MAGI1: variants seen among roughly 807,000 people sequenced by gnomAD.
The protein encoded by MAGI1 is membrane associated guanylate kinase, WW and PDZ domain containing 1.
In MAGI1, 58 loss-of-function variants were observed where a neutral mutation model predicts 139.9. That is an observed-to-expected ratio of 0.41 (90% CI 0.34 to 0.52). MAGI1 has a LOEUF of 0.52. MAGI1 is among the 20% of genes least tolerant of loss of function. The probability of loss-of-function intolerance (pLI) is 0.12; values close to 1 mark genes in which losing one functional copy is unlikely to be tolerated. For missense variants in MAGI1, 1,874 were observed against 1,901.6 expected, an observed-to-expected ratio of 0.99 and a Z score of 0.27; for synonymous variants, 812 against 737.9, an observed-to-expected ratio of 1.10 and a Z score of -1.63.
chr3:65,456,664 G>A (rs1949410735), intron 5 of MAGI1, among the ~76,000 whole-genome samples: 2 of 152,072 alleles, frequency 1.3e-5, no homozygotes. Flanking sequence ...TTACATTTCA[G>A]AGTCTGAATT....
chr3:65,658,586 A>G (rs1428531326), intron 1 of MAGI1, among the ~76,000 whole-genome samples: 1 of 152,222 alleles, frequency 6.6e-6, no homozygotes, highest in Non-Finnish European at 1.5e-5. Context: ...ATTCTGATTC[A>G]GTAGGACTGG....
chr3:65,980,352 C>T (rs2065502336), intron 1 of MAGI1, among the ~76,000 whole-genome samples: 1 of 152,154 alleles, frequency 6.6e-6, no homozygotes, highest in South Asian at 2.1e-4. Context: ...TACCTGAGGT[C>T]AGGAGTTCAA....
At chr3:65,590,048 G>A (rs540461405) in intron 2 of MAGI1, among the ~76,000 whole-genome samples, 48 of 152,132 alleles carry the variant, frequency 3.2e-4, no homozygotes, top group African/African-American at 1.0e-3. Flanking sequence ...ACATGGTTGC[G>A]TCCTCTTCCA....
chr3:65,539,155 A>T (rs1423462272), intron 2 of MAGI1, among the ~76,000 whole-genome samples: 1 of 152,156 alleles, frequency 6.6e-6, no homozygotes, highest in African/African-American at 2.4e-5. Context: ...CTACCGTCAA[A>T]CAGGCACACA....
chr3:65,631,370 CAA>C (rs1164733263), intron 1 of MAGI1, among the ~76,000 whole-genome samples: 3 of 152,166 alleles, frequency 2.0e-5, no homozygotes, highest in Admixed American at 2.0e-4. Flanking sequence ...TGTTTTCTAA[CAA>C]ATAATTCATG....
intron 1 of MAGI1, among the ~76,000 whole-genome samples, chr3:65,920,527 C>A (rs2062125814): frequency 6.6e-6 from 1 of 152,112 alleles, no homozygotes; most frequent in Admixed American, 6.5e-5. Flanking sequence ...TCAAGGCATT[C>A]CATATTTATA....
chr3:65,768,496 G>A (rs193087831), intron 1 of MAGI1, among the ~76,000 whole-genome samples: 62 of 152,204 alleles, frequency 4.1e-4, no homozygotes, highest in Non-Finnish European at 8.5e-4. Context: ...AAGGTTGCTT[G>A]TCTCAGTCAA....
At position 65,688,553 on chromosome 3, in the gene MAGI1, T is replaced by C. The variant is rs939857877; in HGVS notation, c.314-66465A>G. On this transcript the variant is annotated intron_variant, in intron 1 of 22. Transcript: ENST00000402939. The stretch of plus-strand genomic sequence containing the variant: ...CTGGTAGGTGCTACTGTGCTTTATA[T>C]GGTGACAGACATTTCCGTGGGGTAG... The C allele has an allele frequency of 1.9e-5, 7 of 365,600 alleles. No homozygotes were observed. In the East Asian group the frequency reaches 4.3e-4, roughly 22 times the overall value. The allele number at this position is 365,600 out of a possible 1,614,324, so 22.6% of individuals were successfully genotyped here. A position where few individuals can be genotyped will look rare whatever the true frequency, so the allele number is the denominator to read the frequency against.
chr3:65,446,766 C>A lies in MAGI1; in HGVS notation c.1078+1256G>T, dbSNP rs1447297895. On this transcript the variant is annotated intron_variant, in intron 7 of 22. Coordinates refer to ENST00000402939, the MANE Select transcript of MAGI1 (RefSeq NM_001033057.2). ...TTGATCAAATTAGTTTCAAATTGTTCTATCATTCAGGGTGAACCTTAAGTC... is the reference window on the plus strand; with the variant it reads ...TTGATCAAATTAGTTTCAAATTGTTATATCATTCAGGGTGAACCTTAAGTC... Among the ~76,000 whole-genome samples, 3 of 152,120 alleles carry A rather than the reference C, an allele frequency of 2.0e-5. No individual in the cohort carries two copies. In the East Asian group the frequency reaches 5.8e-4, roughly 29 times the overall value.
Position 65,379,403 on chromosome 3 carries a change from G to C in MAGI1, c.2853C>G (p.Ile951Met). ...CGCTGCCCCCGCCGCCGCCACTGCC[G>C]ATGCCGCTGGTGCTGCCGCTGCCCG... ...VSSGSGSTSG[I>M]GSGGGGGSGV... Residue 951 changes from isoleucine to methionine, a missense_variant, in exon 17 of 23, where the codon ATC becomes ATG. Ile to Met is a conservative substitution (Grantham distance 10). This residue lies in a region of MAGI1 where 482 missense variants were observed against 509.6 expected (regional missense o/e 0.95). Coordinates refer to ENST00000402939, the MANE Select transcript of MAGI1 (RefSeq NM_001033057.2). 6.2e-7 allele frequency: 1 copy of C among 1,613,110 alleles called. No individual in the cohort carries two copies.
At chr3:65,733,686 G>C (rs2034423160) in intron 1 of MAGI1, among the ~76,000 whole-genome samples, 1 of 152,150 alleles carries the variant, frequency 6.6e-6, no homozygotes, top group African/African-American at 2.4e-5. Context: ...CCCTTCCTTG[G>C]ATGTTTGATC....
chr3:66,001,436 G>A lies in MAGI1; in HGVS notation c.313+36560C>T, dbSNP rs570449381. On this transcript the variant is annotated intron_variant, in intron 1 of 22. Coordinates refer to ENST00000402939, the MANE Select transcript of MAGI1 (RefSeq NM_001033057.2). Reference sequence around the variant, plus strand: ...TCAGATATGCCAAGATTTATAAAACGACTGCAATGTCATGCTAGAAAGAAA... The same window carrying A: ...TCAGATATGCCAAGATTTATAAAACAACTGCAATGTCATGCTAGAAAGAAA... 3.3e-5 allele frequency among the ~76,000 whole-genome samples: 5 copies of A among 152,168 alleles called. No individual in the cohort carries two copies. In the South Asian group the frequency reaches 8.3e-4, roughly 25 times the overall value.
At chr3:65,898,578 T>C (rs1410570523) in intron 1 of MAGI1, among the ~76,000 whole-genome samples, 3 of 152,200 alleles carry the variant, frequency 2.0e-5, no homozygotes, top group African/African-American at 7.2e-5. Flanking sequence ...GGCTCCTTCA[T>C]TTGCTATGTC....
chr3:65,464,328 G>T (rs1195749193), intron 5 of MAGI1, among the ~76,000 whole-genome samples: 1 of 151,976 alleles, frequency 6.6e-6, no homozygotes, highest in Non-Finnish European at 1.5e-5. Context: ...TGGGAGTTTA[G>T]ATTGTTAATT....
At chr3:65,662,348 T>A (rs980728098) in intron 1 of MAGI1, among the ~76,000 whole-genome samples, 1 of 152,232 alleles carries the variant, frequency 6.6e-6, no homozygotes, top group African/African-American at 2.4e-5. Flanking sequence ...AAACTTTCCA[T>A]AAAATGCCAG....
chr3:65,423,650 A>G (rs2107294636), intron 12 of MAGI1, among the ~76,000 whole-genome samples: 1 of 152,326 alleles, frequency 6.6e-6, no homozygotes, highest in African/African-American at 2.4e-5. Context: ...GTGTTTAAGC[A>G]CTGTCTGGAG....
chr3:65,884,527 CTA>C (rs2060457966), intron 1 of MAGI1, among the ~76,000 whole-genome samples: 2 of 152,188 alleles, frequency 1.3e-5, no homozygotes, highest in African/African-American at 4.8e-5. Flanking sequence ...AATCCATTTT[CTA>C]ACTACTAAAA....
intron 1 of MAGI1, chr3:65,687,831 A>G (rs2088195261): frequency 3.3e-6 from 2 of 605,320 alleles, no homozygotes; most frequent in Non-Finnish European, 6.5e-6. Flanking sequence ...GAAGACTGTC[A>G]TTACAACAGT....
At chr3:65,618,215 G>T (rs2083473901) in intron 2 of MAGI1, among the ~76,000 whole-genome samples, 1 of 152,180 alleles carries the variant, frequency 6.6e-6, no homozygotes, top group South Asian at 2.1e-4. Context: ...AGTGGGAGGG[G>T]TTGGGAATGT....
Sources: allele counts gnomAD v4.1 joint callset (sites outside exome capture counted in the v4.1 genomes callset), GRCh38; gene constraint gnomAD v4.1.1; regional missense constraint gnomAD v4.1.1; transcripts MANE v1.5; gene names NCBI Gene and HGNC (gene_info 2026-07-23, HGNC 2026-07-21).